The following RYR3 variants were observed in gnomAD, a reference collection of about 807,000 sequenced individuals.
The protein encoded by RYR3 is ryanodine receptor 3, also known as brain ryanodine receptor-calcium release channel.
Under a neutral mutation model 584.3 loss-of-function variants are expected in RYR3, and 207 were observed. That is an observed-to-expected ratio of 0.35 (90% CI 0.32 to 0.40). RYR3 has a LOEUF of 0.40. Among genes scored for constraint, RYR3 ranks in the 10% least tolerant of loss-of-function variants. The pLI is 1.00. For synonymous variants in RYR3, 2,416 were observed against 2,248.5 expected (o/e 1.07, Z -2.11); for missense variants, 5,616 against 6,089.2 (o/e 0.92, Z 2.59).
chr15:33,784,087 G>A lies in RYR3; in HGVS notation c.9269-1575G>A, dbSNP rs116401815. ...GGAAAGGCTAATAGTGCTTCACTGG[G>A]CCTATTCCATAGCATAGAGACTGCT... is the stretch of plus-strand genomic sequence containing the variant. On this transcript the variant is annotated intron_variant, in intron 65 of 103. Coordinates refer to ENST00000634891, the MANE Select transcript of RYR3 (RefSeq NM_001036.6). 4.4e-3 allele frequency among the ~76,000 whole-genome samples: 675 copies of A among 152,320 alleles called. 4 individuals carry two copies. Among genetic ancestry groups the A allele is most frequent in the African/African-American group, 0.015 (631 of 41,576 alleles).
intron 19 of RYR3, among the ~76,000 whole-genome samples, chr15:33,616,115 G>T (rs10519839): frequency 0.47 from 71,331 of 151,936 alleles, 17,297 homozygotes; most frequent in Middle Eastern, 0.59. Context: ...GTCCACTCAT[G>T]GTTTTTTACT....
rs189074627 is a variant in RYR3 at position 33,378,973 on chromosome 15, A to G, written c.51+67877A>G. On this transcript the variant is annotated intron_variant, in intron 1 of 103. Transcript: ENST00000634891. ...AAGTGAGACCTCATCTCAAAAAAAA[A>G]AAAGTGTGTTTTAATATTACACTTA... Among the ~76,000 whole-genome samples the G allele has an allele frequency of 1.2e-3, 188 of 152,318 alleles. 2 individuals carry two copies. The Middle Eastern group carries it at 0.027, about 22-fold the overall frequency.
chr15:33,503,803 C>T, intron 3 of RYR3, 65 bp downstream of exon 3: 1 of 917,762 alleles, frequency 1.1e-6, no homozygotes, highest in Non-Finnish European at 1.7e-6. Context: ...ATACGTTCTA[C>T]ATTTCATCCA....
intron 2 of RYR3, among the ~76,000 whole-genome samples, chr15:33,487,893 T>C (rs556267407): frequency 6.6e-6 from 1 of 152,342 alleles, no homozygotes; most frequent in Non-Finnish European, 1.5e-5. Context: ...TCTTCCTGTT[T>C]CTACATCCAC....
intron 32 of RYR3, among the ~76,000 whole-genome samples, chr15:33,656,229 A>G (rs957836950): frequency 6.6e-6 from 1 of 152,262 alleles, no homozygotes; most frequent in Admixed American, 6.5e-5. Flanking sequence ...AAAACAGATC[A>G]GCCAGTGATG....
chr15:33,657,263 G>C (rs1456040214), intron 32 of RYR3, among the ~76,000 whole-genome samples: 1 of 152,154 alleles, frequency 6.6e-6, no homozygotes, highest in Non-Finnish European at 1.5e-5. Context: ...CCTGGAGTTT[G>C]GGCAGTTTAT....
At chr15:33,639,658 A>G (rs1174625752) in intron 27 of RYR3, among the ~76,000 whole-genome samples, 3 of 152,188 alleles carry the variant, frequency 2.0e-5, no homozygotes, top group Admixed American at 6.5e-5. Flanking sequence ...GAGCTGGGCC[A>G]TGGGAAGCCT....
chr15:33,578,119 G>A (rs1016557991), intron 12 of RYR3, among the ~76,000 whole-genome samples: 8 of 152,250 alleles, frequency 5.3e-5, no homozygotes, highest in African/African-American at 1.9e-4. Flanking sequence ...AGATGCTGGC[G>A]AGGCTGTGGA....
At chr15:33,858,269 A>AT in intron 99 of RYR3, 1 of 212,908 alleles carries the variant, frequency 4.7e-6, no homozygotes, top group Non-Finnish European at 9.5e-6. Flanking sequence ...CAATGGCGTC[A>AT]TCTCAGCTCA....
chr15:33,319,026 T>C (rs1414630906), intron 1 of RYR3, among the ~76,000 whole-genome samples: 1 of 152,040 alleles, frequency 6.6e-6, no homozygotes, highest in African/African-American at 2.4e-5. Flanking sequence ...ACAGAGCAAA[T>C]AGAAAAAGCT....
intron 64 of RYR3, among the ~76,000 whole-genome samples, chr15:33,778,675 G>C (rs952442513): frequency 6.6e-6 from 1 of 152,246 alleles, no homozygotes; most frequent in Non-Finnish European, 1.5e-5. Flanking sequence ...CGTCTCAGCA[G>C]TCTCCGTCTC....
intron 86 of RYR3, among the ~76,000 whole-genome samples, chr15:33,834,068 G>A (rs1452888112): frequency 1.3e-5 from 2 of 152,090 alleles, no homozygotes; most frequent in Admixed American, 6.6e-5. Flanking sequence ...GATCACTTGA[G>A]GCCAGGAGTT....
chr15:33,477,043 A>T (rs2049446463), intron 2 of RYR3, among the ~76,000 whole-genome samples: 1 of 152,306 alleles, frequency 6.6e-6, no homozygotes, highest in East Asian at 1.9e-4. Context: ...AACGAGCTGT[A>T]CCATTCTTAG....
intron 27 of RYR3, among the ~76,000 whole-genome samples, chr15:33,643,463 A>G (rs1254793084): frequency 6.6e-6 from 1 of 152,202 alleles, no homozygotes; most frequent in Non-Finnish European, 1.5e-5. Context: ...CGATCAAGCT[A>G]CAGATGTGAG....
intron 30 of RYR3, among the ~76,000 whole-genome samples, chr15:33,648,379 C>T (rs2062230784): frequency 6.6e-6 from 1 of 152,196 alleles, no homozygotes; most frequent in Non-Finnish European, 1.5e-5. Context: ...AAGAATGAAT[C>T]TGCTCAGTTT....
intron 1 of RYR3, among the ~76,000 whole-genome samples, chr15:33,328,397 C>T (rs912915931): frequency 2.0e-5 from 3 of 152,152 alleles, no homozygotes; most frequent in Admixed American, 6.5e-5. Flanking sequence ...CATCATAGCT[C>T]CTTTCTTTCA....
chr15:33,652,461 C>T (rs997331025), intron 31 of RYR3, among the ~76,000 whole-genome samples: 4 of 152,150 alleles, frequency 2.6e-5, no homozygotes, highest in African/African-American at 9.7e-5. Flanking sequence ...AGTCTGGAAA[C>T]AGTTCTCTGA....
chr15:33,767,908 C>G (rs1159201279), intron 60 of RYR3, among the ~76,000 whole-genome samples: 1 of 152,154 alleles, frequency 6.6e-6, no homozygotes, highest in East Asian at 1.9e-4. Flanking sequence ...GCGATGGACT[C>G]CTTTCTGACA....
intron 96 of RYR3, 84 bp from the exon 97 acceptor site, chr15:33,854,305 G>T (rs2079415064): frequency 8.7e-7 from 1 of 1,152,650 alleles, no homozygotes; most frequent in South Asian, 1.4e-5. Context: ...AAACCTGAGA[G>T]AAAAAACTTA....
Sources: allele counts gnomAD v4.1 joint callset (sites outside exome capture counted in the v4.1 genomes callset), GRCh38; gene constraint gnomAD v4.1.1; transcripts MANE v1.5; gene names NCBI Gene and HGNC (gene_info 2026-07-23, HGNC 2026-07-21).